The following BDH1 variants were observed in gnomAD, a reference collection of about 807,000 sequenced individuals.
BDH1 encodes D-beta-hydroxybutyrate dehydrogenase, mitochondrial.
Under a neutral mutation model 33.1 loss-of-function variants are expected in BDH1, and 30 were observed. The ratio of observed to expected loss-of-function variants is 0.91; its 90% CI spans 0.68 to 1.23. BDH1 has a LOEUF of 1.23. Among genes scored for constraint, BDH1 ranks in the 50% most tolerant of loss-of-function variants. The probability of loss-of-function intolerance (pLI) is 0.00; values close to 1 mark genes in which losing one functional copy is unlikely to be tolerated. For synonymous variants in BDH1, 190 were observed against 183.6 expected, an observed-to-expected ratio of 1.03 and a Z score of -0.28; for missense variants, 443 against 464.4, an observed-to-expected ratio of 0.95 and a Z score of 0.42.
chr3:197,551,383 T>C (rs1716554707), intron 2 of BDH1, among the ~76,000 whole-genome samples: 1 of 152,216 alleles, frequency 6.6e-6, no homozygotes, highest in African/African-American at 2.4e-5. Flanking sequence ...TCCATCCACG[T>C]TGTTGCAAAT....
chr3:197,524,244 G>T (rs949718415), intron 5 of BDH1, among the ~76,000 whole-genome samples: 5 of 152,248 alleles, frequency 3.3e-5, no homozygotes, highest in Non-Finnish European at 5.9e-5. Context: ...AGGACTAGCA[G>T]CCAAGAGTAA....
rs973511558 is a variant in BDH1 at position 197,540,967 on chromosome 3, G to C, written c.83+5394C>G. 5.3e-5 allele frequency among the ~76,000 whole-genome samples: 8 copies of C among 152,316 alleles called. 1 individual carries two copies. The highest frequency in any genetic ancestry group is 6.8e-3 in the Middle Eastern group (2 of 294). The stretch of plus-strand genomic sequence containing the variant: ...GAATACTCCTGGGCGGGCAGCTCCA[G>C]CTAGCATGACAGTGCCTCCTGAGCA... On this transcript the variant is annotated intron_variant, in intron 3 of 7. Transcript: ENST00000392379.
chr3:197,565,804 C>T (rs1334733802), intron 1 of BDH1, among the ~76,000 whole-genome samples: 2 of 152,112 alleles, frequency 1.3e-5, no homozygotes, highest in East Asian at 3.8e-4. Context: ...AACTATAGAA[C>T]TCTAACAGGT....
chr3:197,563,501 A>G (rs956141389), intron 1 of BDH1, among the ~76,000 whole-genome samples: 4 of 152,350 alleles, frequency 2.6e-5, no homozygotes, highest in Non-Finnish European at 4.4e-5. Context: ...TAATTTTGCA[A>G]TGATGGTTCC....
At chr3:197,558,569 T>C (rs112655909), upstream of BDH1, among the ~76,000 whole-genome samples, 721 of 152,346 alleles carry the variant, frequency 4.7e-3, 4 homozygotes, top group African/African-American at 0.015. Flanking sequence ...GATTTTGTTA[T>C]GTAGCTTTAA....
upstream of BDH1, among the ~76,000 whole-genome samples, chr3:197,559,425 A>G (rs1482937449): frequency 6.6e-6 from 1 of 152,232 alleles, no homozygotes; most frequent in Non-Finnish European, 1.5e-5. Flanking sequence ...CCTTTTTAAG[A>G]ATTGTGAAAA....
intron 1 of BDH1, among the ~76,000 whole-genome samples, chr3:197,565,691 T>A (rs1717412127): frequency 6.6e-6 from 1 of 152,188 alleles, no homozygotes; most frequent in Non-Finnish European, 1.5e-5. Flanking sequence ...CAGAGATAAG[T>A]TTCTTTGTCA....
At chr3:197,555,161 G>A (rs1385748070) in intron 1 of BDH1, among the ~76,000 whole-genome samples, 2 of 152,262 alleles carry the variant, frequency 1.3e-5, no homozygotes, top group Non-Finnish European at 2.9e-5. Flanking sequence ...CCTGTGGCCT[G>A]CCTGCTGTCC....
At chr3:197,518,951 C>A (rs560439457) in intron 6 of BDH1, among the ~76,000 whole-genome samples, 1 of 66,360 alleles carries the variant, frequency 1.5e-5, no homozygotes, top group Non-Finnish European at 3.1e-5. Flanking sequence ...CTCCATCCCC[C>A]CCTCAGTCAC....
chr3:197,537,044 G>T (rs762265881), intron 3 of BDH1, among the ~76,000 whole-genome samples: 1 of 151,878 alleles, frequency 6.6e-6, no homozygotes, highest in African/African-American at 2.4e-5. Context: ...GCTGGAGTGC[G>T]GTAGCATGAT....
In BDH1 at chr3:197,519,039, C is replaced by T. The variant is rs181867686; in HGVS notation, c.409+3601G>A. Reference sequence around the variant, plus strand: ...TTCCTGCTCTATGGTCTCCATCCCCCGCTCAGGCACCCCCCATCAGTCACT... The same window carrying T: ...TTCCTGCTCTATGGTCTCCATCCCCTGCTCAGGCACCCCCCATCAGTCACT... On this transcript the variant is annotated intron_variant, in intron 6 of 7. Coordinates refer to ENST00000392379, the MANE Select transcript of BDH1 (RefSeq NM_203314.3). Among the ~76,000 whole-genome samples, 29 of 109,300 alleles carry T rather than the reference C, an allele frequency of 2.7e-4. 1 individual carries two copies. The East Asian group carries it at 2.7e-3, about 10-fold the overall frequency. 71.7% of individuals were successfully genotyped at this position (109,300 alleles called of 152,430 possible).
intron 2 of BDH1, among the ~76,000 whole-genome samples, chr3:197,548,273 A>G (rs917130267): frequency 1.3e-5 from 2 of 148,438 alleles, no homozygotes; most frequent in South Asian, 2.1e-4. Flanking sequence ...AGACTTTTTC[A>G]TGAGGCACCC....
rs892457397 is a variant in BDH1, at chr3:197,572,432, A to G, written c.-44+749T>C. Reference sequence around the variant, plus strand: ...CATAGACATATAGCTTAGAAGGTATATAAGCTCTGGAAAACTTTGTAATTT... The same window carrying G: ...CATAGACATATAGCTTAGAAGGTATGTAAGCTCTGGAAAACTTTGTAATTT... On this transcript the variant is annotated intron_variant, in intron 1 of 6. Coordinates refer to the BDH1 transcript ENST00000358186. Among the ~76,000 whole-genome samples, 4 of 152,250 alleles carry G rather than the reference A, an allele frequency of 2.6e-5. No individual in the cohort carries two copies. The South Asian group carries it at 8.3e-4, about 31-fold the overall frequency.
At chr3:197,538,232 G>A (rs1169751905) in intron 3 of BDH1, 4 of 456,244 alleles carry the variant, frequency 8.8e-6, no homozygotes, top group Non-Finnish European at 1.8e-5. Flanking sequence ...TATTAACCCA[G>A]TAATGACAAA....
chr3:197,553,388 G>A (rs1244293164), intron 2 of BDH1, among the ~76,000 whole-genome samples: 2 of 151,246 alleles, frequency 1.3e-5, no homozygotes, highest in Non-Finnish European at 1.5e-5. Context: ...AATTAGCTGG[G>A]TGTGGTCGCT....
rs1713651076 is a variant in BDH1, at chr3:197,522,411, C to T, written c.409+229G>A. 6.6e-6 allele frequency among the ~76,000 whole-genome samples: 1 copy of T among 152,204 alleles called. No homozygotes were observed. Among genetic ancestry groups the T allele is most frequent in the Admixed American group, 6.5e-5 (1 of 15,282 alleles). ...ACTGACCTGAATCAGTGCGTAGCCACCTAGCACTCCGTGAACTCTGAAATC... is the reference window on the plus strand; with the variant it reads ...ACTGACCTGAATCAGTGCGTAGCCATCTAGCACTCCGTGAACTCTGAAATC... On this transcript the variant is annotated intron_variant, in intron 6 of 7. Transcript: ENST00000392379. The surrounding 1 kb of genome is among the most constrained non-coding windows in gnomAD (Gnocchi z 4.8).
In BDH1 at chr3:197,525,274, G is replaced by A. The variant is rs946085648; in HGVS notation, c.268-2493C>T. ...GGTGGCCCTTCAAATGCCCCTTGGC[G>A]TGGAGCTCACATGATCTGAACCTCA... On this transcript the variant is annotated intron_variant, in intron 5 of 7. Coordinates refer to ENST00000392379, the MANE Select transcript of BDH1 (RefSeq NM_203314.3). The surrounding 1 kb of genome is among the most constrained non-coding windows in gnomAD (Gnocchi z 4.9). Among the ~76,000 whole-genome samples, 9 of 152,216 alleles carry A rather than the reference G, an allele frequency of 5.9e-5. No homozygotes were observed. Among genetic ancestry groups the A allele is most frequent in the African/African-American group, 2.2e-4 (9 of 41,448 alleles).
intron 1 of BDH1, among the ~76,000 whole-genome samples, chr3:197,561,840 T>TA (rs887900907): frequency 1.3e-4 from 20 of 150,930 alleles, no homozygotes; most frequent in Admixed American, 2.0e-4. Flanking sequence ...CTTCCTGTCT[T>TA]AAAAAAAAAA....
intron 1 of BDH1, among the ~76,000 whole-genome samples, chr3:197,567,381 G>C (rs35113035): frequency 0.054 from 8,274 of 152,170 alleles, 289 homozygotes; most frequent in African/African-American, 0.082. Flanking sequence ...TGCTCACTGA[G>C]AAAAATGCAT....
Sources: allele counts gnomAD v4.1 joint callset (sites outside exome capture counted in the v4.1 genomes callset), GRCh38; gene constraint gnomAD v4.1.1; non-coding constraint Gnocchi (gnomAD v3.1); transcripts MANE v1.5; gene names NCBI Gene and HGNC (gene_info 2026-07-23, HGNC 2026-07-21).